Variants in BRINP3 observed in about 807,000 individuals in gnomAD.
BRINP3 encodes the protein BMP/retinoic acid-inducible neural-specific protein 3.
A neutral mutation model predicts 71.0 loss-of-function variants in BRINP3; 19 were observed. That is an observed-to-expected ratio of 0.27 (90% CI 0.19 to 0.39). BRINP3 has a LOEUF of 0.39. Ranked by LOEUF, BRINP3 falls within the 10% of genes least tolerant of loss-of-function variation. BRINP3 has a pLI of 1.00. For missense variants in BRINP3, 959 were observed against 940.8 expected (o/e 1.02, Z -0.25); for synonymous variants, 380 against 337.7 (o/e 1.13, Z -1.37).
At chr1:190,288,545 T>G (rs1434883913) in intron 2 of BRINP3, among the ~76,000 whole-genome samples, 1 of 151,942 alleles carries the variant, frequency 6.6e-6, no homozygotes, top group Non-Finnish European at 1.5e-5. Flanking sequence ...TTTTGCAAGT[T>G]CATAACCTCG....
At chr1:190,325,565 T>C (rs1230656561) in intron 2 of BRINP3, among the ~76,000 whole-genome samples, 2 of 152,050 alleles carry the variant, frequency 1.3e-5, no homozygotes, top group African/African-American at 4.8e-5. Flanking sequence ...AAGTGATAGC[T>C]GATGTGTGGA....
chr1:190,271,816 A>AC (rs947764489), intron 3 of BRINP3, among the ~76,000 whole-genome samples: 1 of 151,492 alleles, frequency 6.6e-6, no homozygotes, highest in East Asian at 1.9e-4. Flanking sequence ...GCCATACTTC[A>AC]CCCCCCAAAA....
At chr1:190,236,642 C>T (rs1245868400) in intron 4 of BRINP3, among the ~76,000 whole-genome samples, 2 of 151,870 alleles carry the variant, frequency 1.3e-5, no homozygotes, top group Non-Finnish European at 2.9e-5. Flanking sequence ...TTATTCTCCA[C>T]CTACTATTCC....
intron 7 of BRINP3, among the ~76,000 whole-genome samples, chr1:190,104,197 A>G (rs544223337): frequency 7.2e-5 from 11 of 152,132 alleles, no homozygotes; most frequent in African/African-American, 2.6e-4. Context: ...CAAAGATACA[A>G]TAACTTTTAT....
intron 6 of BRINP3, among the ~76,000 whole-genome samples, chr1:190,163,399 A>G (rs755307174): frequency 7.2e-5 from 11 of 152,060 alleles, no homozygotes; most frequent in Non-Finnish European, 1.6e-4. Flanking sequence ...TTAATCTAAA[A>G]TATTGGTAAT....
chr1:190,121,999 A>G (rs1015853911), intron 7 of BRINP3, among the ~76,000 whole-genome samples: 4 of 152,236 alleles, frequency 2.6e-5, no homozygotes, highest in African/African-American at 7.2e-5. Context: ...ATAGAGCAAT[A>G]TTACTGTGAA....
At chr1:190,293,543 T>C (rs185864196) in intron 2 of BRINP3, among the ~76,000 whole-genome samples, 1 of 152,208 alleles carries the variant, frequency 6.6e-6, no homozygotes, top group African/African-American at 2.4e-5. Flanking sequence ...CCATTTGGTC[T>C]GGAGCATAGT....
intron 6 of BRINP3, among the ~76,000 whole-genome samples, chr1:190,217,339 G>A (rs1011932517): frequency 1.3e-5 from 2 of 151,382 alleles, no homozygotes; most frequent in Non-Finnish European, 3.0e-5. Context: ...TTGTTTATCT[G>A]TTATGAGGCA....
At chr1:190,316,262 C>A (rs1665874048) in intron 2 of BRINP3, among the ~76,000 whole-genome samples, 1 of 152,114 alleles carries the variant, frequency 6.6e-6, no homozygotes, top group African/African-American at 2.4e-5. Flanking sequence ...GACATTCTTA[C>A]AATCCAATGA....
At chr1:190,368,800 A>C (rs1290366026) in intron 2 of BRINP3, among the ~76,000 whole-genome samples, 1 of 152,168 alleles carries the variant, frequency 6.6e-6, no homozygotes, top group Non-Finnish European at 1.5e-5. Context: ...AGATTAAAGG[A>C]AGTTAATCAC....
At chr1:190,199,141 A>G (rs1654763736) in intron 6 of BRINP3, among the ~76,000 whole-genome samples, 1 of 152,108 alleles carries the variant, frequency 6.6e-6, no homozygotes, top group Non-Finnish European at 1.5e-5. Flanking sequence ...ATCTCATGAG[A>G]CTTATTCATG....
At chr1:190,230,587 T>C (rs1444684752) in intron 5 of BRINP3, among the ~76,000 whole-genome samples, 1 of 151,858 alleles carries the variant, frequency 6.6e-6, no homozygotes, top group Non-Finnish European at 1.5e-5. Context: ...TCCTGTTGAT[T>C]TGGTAACTAA....
At chr1:190,212,696 AT>A (rs1656088021) in intron 6 of BRINP3, among the ~76,000 whole-genome samples, 1 of 152,074 alleles carries the variant, frequency 6.6e-6, no homozygotes, top group Non-Finnish European at 1.5e-5. Flanking sequence ...ATCATAAGTA[AT>A]GCGAATTAGC....
intron 7 of BRINP3, among the ~76,000 whole-genome samples, chr1:190,136,941 TA>T (rs1655021592): frequency 6.6e-6 from 1 of 152,018 alleles, no homozygotes; most frequent in Non-Finnish European, 1.5e-5. Flanking sequence ...TATATTTATA[TA>T]AAATGCTTAT....
intron 4 of BRINP3, among the ~76,000 whole-genome samples, chr1:190,238,668 T>C (rs930736601): frequency 6.7e-6 from 1 of 149,354 alleles, no homozygotes; most frequent in Non-Finnish European, 1.5e-5. Flanking sequence ...AAACTGGAAT[T>C]CTCATATGCT....
chr1:190,467,550 G>C (rs1397923030), intron 1 of BRINP3, among the ~76,000 whole-genome samples: 1 of 151,410 alleles, frequency 6.6e-6, no homozygotes, highest in Non-Finnish European at 1.5e-5. Flanking sequence ...TTACCCAGTT[G>C]ACAGAGAGGC....
rs371982527 is a variant in BRINP3, at chr1:190,225,211, C to T, written c.961+871G>A. ...CAGCACTATTCCCAATAACCAAATA[C>T]GGATTCAATTTAACTGCCCATCAGT... On this transcript the variant is annotated intron_variant, in intron 6 of 7. Coordinates refer to ENST00000367462, the MANE Select transcript of BRINP3 (RefSeq NM_199051.3). Among the ~76,000 whole-genome samples, 16 of 151,964 alleles carry T rather than the reference C, an allele frequency of 1.1e-4. No individual in the cohort carries two copies. In the East Asian group the frequency reaches 1.5e-3, roughly 15 times the overall value.
chr1:190,465,584 T>G (rs1294625275), intron 1 of BRINP3, among the ~76,000 whole-genome samples: 1 of 151,924 alleles, frequency 6.6e-6, no homozygotes, highest in African/African-American at 2.4e-5. Context: ...AGAATCCTGT[T>G]AGATCAGTTT....
chr1:190,445,248 C>T (rs1293139265), intron 2 of BRINP3, among the ~76,000 whole-genome samples: 2 of 151,778 alleles, frequency 1.3e-5, no homozygotes, highest in East Asian at 3.9e-4. Flanking sequence ...TATTATAAAC[C>T]ATAAATAGTA....
Sources: allele counts gnomAD v4.1 joint callset (sites outside exome capture counted in the v4.1 genomes callset), GRCh38; gene constraint gnomAD v4.1.1; transcripts MANE v1.5; gene names NCBI Gene and HGNC (gene_info 2026-07-23, HGNC 2026-07-21).